Variants in CA12 observed in about 807,000 individuals in gnomAD.
CA12 encodes the protein carbonate dehydratase XII.
A neutral mutation model predicts 46.8 loss-of-function variants in CA12; 36 were observed. The ratio of observed to expected loss-of-function variants is 0.77; its 90% confidence interval spans 0.59 to 1.02. CA12 has a LOEUF of 1.02. Among genes scored for constraint, CA12 ranks in the 50% least tolerant of loss-of-function variants. The pLI is 0.00. For missense variants in CA12, 436 were observed against 451.4 expected (o/e 0.97, Z 0.31); for synonymous variants, 202 against 187.0 (o/e 1.08, Z -0.65).
At position 63,321,717 on chromosome 15, in the gene CA12, CTGTG is replaced by C. The variant is rs904379678; in HGVS notation, c.*4564_*4567del. 1 of 152,228 alleles carries C rather than the reference CTGTG, an allele frequency of 6.6e-6. No homozygotes were observed. The highest frequency in any genetic ancestry group is 2.4e-5 in the African/African-American group (1 of 41,450). The allele number at this position is 152,228 out of a possible 1,614,324, so 9.4% of individuals were successfully genotyped here. ...CCACGTGACAACGGGAGGGGCACTC[CTGTG>C]TGTGTAGGGGCGAGGGGGTGGCGGT... On this transcript the variant is annotated 3_prime_UTR_variant, in exon 11 of 11. Coordinates refer to ENST00000178638, the MANE Select transcript of CA12 (RefSeq NM_001218.5). This position sits in a 1 kb window ranked among gnomAD's most constrained non-coding sequence, Gnocchi z 4.5.
At chr15:63,377,923 C>A (rs1176016782) in intron 1 of CA12, among the ~76,000 whole-genome samples, 1 of 152,168 alleles carries the variant, frequency 6.6e-6, no homozygotes, top group African/African-American at 2.4e-5. Flanking sequence ...AGTGTCCTGA[C>A]CAATATCATA....
chr15:63,360,331 A>C (rs915490136), intron 2 of CA12, among the ~76,000 whole-genome samples: 1 of 152,200 alleles, frequency 6.6e-6, no homozygotes, highest in Non-Finnish European at 1.5e-5. Flanking sequence ...CCTGTCCAAC[A>C]TTTACCTCTG....
rs2152609300 is a variant in CA12, at chr15:63,327,335, AC to A, written c.908-103del. The A allele has an allele frequency of 1.2e-6, 1 of 862,622 alleles. No homozygotes were observed. The highest frequency in any genetic ancestry group is 1.4e-5 in the South Asian group (1 of 69,976). 53.4% of individuals were successfully genotyped at this position (862,622 alleles called of 1,614,324 possible). A position where few individuals can be genotyped will look rare whatever the true frequency, so the allele number is the denominator to read the frequency against. ...TCATGGCCCAGCTGCATAATCATCCACAGAAAGGAATAATTTCCCCATCCCT... is the reference window on the plus strand; with the variant it reads ...TCATGGCCCAGCTGCATAATCATCCAAGAAAGGAATAATTTCCCCATCCCT... On this transcript the variant is annotated intron_variant, in intron 9 of 10. Transcript: ENST00000178638. The surrounding 1 kb of genome is among the most constrained non-coding windows in gnomAD (Gnocchi z 4.5).
Position 63,341,949 on chromosome 15 carries a change from C to T in CA12, c.525+53G>A. ...ATGCATGGAACAAAAGGTGGAATCCCAATCTCATCCCTGCTTCAAATTTCA... is the reference window on the plus strand; with the variant it reads ...ATGCATGGAACAAAAGGTGGAATCCTAATCTCATCCCTGCTTCAAATTTCA... On this transcript the variant is annotated intron_variant, in intron 5 of 10. Coordinates refer to ENST00000178638, the MANE Select transcript of CA12 (RefSeq NM_001218.5). The surrounding 1 kb of genome is among the most constrained non-coding windows in gnomAD (Gnocchi z 5.2). 1 of 1,274,004 alleles carries T rather than the reference C, an allele frequency of 7.8e-7. No individual in the cohort carries two copies. The highest frequency in any genetic ancestry group is 1.1e-6 in the Non-Finnish European group (1 of 874,462). 78.9% of individuals were successfully genotyped at this position (1,274,004 alleles called of 1,614,324 possible). A position where few individuals can be genotyped will look rare whatever the true frequency, so the allele number is the denominator to read the frequency against.
intron 2 of CA12, among the ~76,000 whole-genome samples, chr15:63,364,330 T>TATAAA (rs2039407555): frequency 4.5e-4 from 1 of 2,200 alleles, no homozygotes; most frequent in Non-Finnish European, 1.8e-3. Context: ...ACCCCGTCAC[T>TATAAA]AGAAAAAAAA....
At chr15:63,342,750 G>A (rs1400695683) in intron 4 of CA12, among the ~76,000 whole-genome samples, 1 of 152,096 alleles carries the variant, frequency 6.6e-6, no homozygotes, top group Non-Finnish European at 1.5e-5. Flanking sequence ...GGGGTGGGGG[G>A]CTTAGAATTT....
intron 4 of CA12, among the ~76,000 whole-genome samples, chr15:63,343,291 T>TTTTTA (rs1354013016): frequency 2.1e-4 from 29 of 140,796 alleles, no homozygotes; most frequent in Admixed American, 7.3e-4. Flanking sequence ...TTTTTTTTTT[T>TTTTTA]TTTTTTTTTA....
At chr15:63,347,850 A>G (rs1017132624) in intron 2 of CA12, among the ~76,000 whole-genome samples, 2 of 152,188 alleles carry the variant, frequency 1.3e-5, no homozygotes, top group African/African-American at 4.8e-5. Flanking sequence ...TCCGTTCATC[A>G]GTATTTCAAC....
At chr15:63,353,433 C>A (rs2039258524) in intron 2 of CA12, among the ~76,000 whole-genome samples, 1 of 152,168 alleles carries the variant, frequency 6.6e-6, no homozygotes, top group Non-Finnish European at 1.5e-5. Flanking sequence ...AGTCTGGGAT[C>A]CATCCGGCCT....
chr15:63,376,562 C>CTT (rs1185054951), intron 1 of CA12, among the ~76,000 whole-genome samples: 1 of 104,224 alleles, frequency 9.6e-6, no homozygotes, highest in African/African-American at 3.3e-5. Context: ...TCTTTCCTTT[C>CTT]TTTCTTTCTT....
intron 2 of CA12, among the ~76,000 whole-genome samples, chr15:63,347,748 CA>C (rs2039170465): frequency 6.6e-6 from 1 of 152,182 alleles, no homozygotes; most frequent in Non-Finnish European, 1.5e-5. Context: ...TCCAGAAAAG[CA>C]AAGAATTGGC....
At chr15:63,371,191 C>T (rs911802768) in intron 2 of CA12, among the ~76,000 whole-genome samples, 3 of 152,132 alleles carry the variant, frequency 2.0e-5, no homozygotes, top group Non-Finnish European at 2.9e-5. Context: ...TAAATATTTC[C>T]GCAGATACAG....
intron 8 of CA12, among the ~76,000 whole-genome samples, chr15:63,337,123 C>T (rs536864768): frequency 7.2e-5 from 11 of 152,138 alleles, no homozygotes; most frequent in Non-Finnish European, 1.6e-4. Flanking sequence ...TTCAGGAAGG[C>T]TACTGTTCAC....
At chr15:63,362,077 G>A (rs1595788565) in intron 2 of CA12, among the ~76,000 whole-genome samples, 1 of 152,134 alleles carries the variant, frequency 6.6e-6, no homozygotes, top group African/African-American at 2.4e-5. Context: ...CGGGCCCTGT[G>A]GTTTCTGTCA....
intron 1 of CA12, among the ~76,000 whole-genome samples, chr15:63,376,563 T>TTTCTTTCTTTCC (rs1567056974): frequency 1.9e-5 from 2 of 106,460 alleles, no homozygotes; most frequent in African/African-American, 6.3e-5. Context: ...CTTTCCTTTC[T>TTTCTTTCTTTCC]TTCTTTCTTT....
At position 63,340,171 on chromosome 15, in the gene CA12, G is replaced by T; in HGVS notation, c.747+117C>A. On this transcript the variant is annotated intron_variant, in intron 7 of 10. Coordinates refer to ENST00000178638, the MANE Select transcript of CA12 (RefSeq NM_001218.5). This position sits in a 1 kb window ranked among gnomAD's most constrained non-coding sequence, Gnocchi z 4.4. ...TCAGACACCTGTGATATTTGGAGAG[G>T]TTTTGAAGAGCTGCCAATGAAACTA... 4 of 1,221,958 alleles carry T rather than the reference G, an allele frequency of 3.3e-6. No homozygotes were observed. The highest frequency in any genetic ancestry group is 4.7e-6 in the Non-Finnish European group (4 of 843,992). The allele number at this position is 1,221,958 out of a possible 1,614,324, so 75.7% of individuals were successfully genotyped here.
intron 2 of CA12, among the ~76,000 whole-genome samples, chr15:63,358,429 G>A (rs1304967209): frequency 6.6e-6 from 1 of 152,226 alleles, no homozygotes; most frequent in Non-Finnish European, 1.5e-5. Context: ...GTGGGAGAGC[G>A]AATACTGTGG....
Position 63,330,664 on chromosome 15 carries a change from G to T in CA12, c.875-2534C>A, listed in dbSNP as rs755248129. ...TCTTGGGGAGCTGAGCAAAGTCTAT[G>T]GAGAGCAAGGCCCCAGCAAGGGTGG... On this transcript the variant is annotated intron_variant, in intron 8 of 10. Coordinates refer to ENST00000178638, the MANE Select transcript of CA12 (RefSeq NM_001218.5). This position sits in a 1 kb window ranked among gnomAD's most constrained non-coding sequence, Gnocchi z 4.0. 8.6e-5 allele frequency among the ~76,000 whole-genome samples: 13 copies of T among 151,638 alleles called. No homozygotes were observed. Among genetic ancestry groups the T allele is most frequent in the Non-Finnish European group, 1.9e-4 (13 of 67,814 alleles).
chr15:63,341,210 T>TTTTA lies in CA12; in HGVS notation c.526-428_526-427insTAAA, dbSNP rs2039074906. 1.3e-5 allele frequency among the ~76,000 whole-genome samples: 2 copies of TTTTA among 152,032 alleles called. No individual in the cohort carries two copies. Among genetic ancestry groups the TTTTA allele is most frequent in the Non-Finnish European group, 1.5e-5 (1 of 68,018 alleles). On this transcript the variant is annotated intron_variant, in intron 5 of 10. Transcript: ENST00000178638. The surrounding 1 kb of genome is among the most constrained non-coding windows in gnomAD (Gnocchi z 5.2). Reference sequence around the variant, plus strand: ...AAACATGCAAGCCAATCAGAAGACATTCCTCTATCTTGGGATAAAAAAAGA... The same window carrying TTTTA: ...AAACATGCAAGCCAATCAGAAGACATTTTATCCTCTATCTTGGGATAAAAAAAGA...
Sources: allele counts gnomAD v4.1 joint callset (sites outside exome capture counted in the v4.1 genomes callset), GRCh38; gene constraint gnomAD v4.1.1; non-coding constraint Gnocchi (gnomAD v3.1); transcripts MANE v1.5; gene names NCBI Gene and HGNC (gene_info 2026-07-23, HGNC 2026-07-21).